RBBP8NL: variants seen among roughly 807,000 people sequenced by gnomAD.
RBBP8NL encodes RBBP8 N-terminal-like protein.
A neutral mutation model predicts 62.2 loss-of-function variants in RBBP8NL; 59 were observed. The ratio of observed to expected loss-of-function variants is 0.95; its 90% CI spans 0.77 to 1.18. The LOEUF is 1.18. Ranked by LOEUF, RBBP8NL falls within the 50% of genes most tolerant of loss-of-function variation. The pLI, the probability that RBBP8NL is intolerant of heterozygous loss-of-function variation, is 0.00. For missense variants in RBBP8NL, 896 were observed against 899.5 expected (o/e 1.00, Z 0.05); for synonymous variants, 412 against 394.1 (o/e 1.05, Z -0.54).
intron 1 of RBBP8NL, among the ~76,000 whole-genome samples, chr20:62,422,502 T>TGGACCCCGAGAGAGGCCTTG (rs1266522175): frequency 1.1e-4 from 9 of 84,690 alleles, no homozygotes; most frequent in African/African-American, 3.8e-4. Flanking sequence ...TGGCAGGCCT[T>TGGACCCCGAGAGAGGCCTTG]GGACCCCGAG....
intron 1 of RBBP8NL, among the ~76,000 whole-genome samples, chr20:62,423,708 C>A (rs1988753939): frequency 6.6e-6 from 1 of 152,180 alleles, no homozygotes; most frequent in Non-Finnish European, 1.5e-5. Context: ...CTCTGCTGTG[C>A]CTCCCACTCA....
rs533102922 is a variant in RBBP8NL at position 62,413,656 on chromosome 20, C to A, written c.1531-111G>T. On this transcript the variant is annotated intron_variant, in intron 10 of 13. Coordinates refer to ENST00000252998, the MANE Select transcript of RBBP8NL (RefSeq NM_080833.3). ...CTTGAGGCTGCAGCTGGTGGAGGGG[C>A]CTGCCTTTCCCTTTATAGTGTGGAT... 97 of 1,394,376 alleles carry A rather than the reference C, an allele frequency of 7.0e-5. No individual in the cohort carries two copies. In the African/African-American group the frequency reaches 1.3e-3, roughly 19 times the overall value. 86.4% of individuals were successfully genotyped at this position (1,394,376 alleles called of 1,614,324 possible).
At chr20:62,416,067 T>TC in intron 6 of RBBP8NL, 97 bp downstream of exon 6, 1 of 1,465,750 alleles carries the variant, frequency 6.8e-7, no homozygotes, top group Non-Finnish European at 9.3e-7. Flanking sequence ...TGCCTGAGAG[T>TC]CCTCCATGGG....
At chr20:62,418,494 T>G (rs1049538645) in intron 2 of RBBP8NL, 29 bp from the exon 3 acceptor site, 2 of 1,540,248 alleles carry the variant, frequency 1.3e-6, no homozygotes, top group Non-Finnish European at 1.8e-6. Context: ...GGGCGGGGGG[T>G]CAGGCCCAGC....
chr20:62,424,967 G>A (rs1294471834), intron 1 of RBBP8NL, among the ~76,000 whole-genome samples: 1 of 152,180 alleles, frequency 6.6e-6, no homozygotes, highest in Admixed American at 6.5e-5. Context: ...TCTGGGCGGA[G>A]GGTAAAGGTG....
rs55946617 is a variant in RBBP8NL at position 62,420,350 on chromosome 20, G to GCACACA, written c.-83-626_-83-621dup. Among the ~76,000 whole-genome samples, 201 of 129,832 alleles carry GCACACA rather than the reference G, an allele frequency of 1.5e-3. 2 individuals carry two copies. The highest frequency in any genetic ancestry group is 6.5e-3 in the East Asian group (31 of 4,772). 85.2% of individuals were successfully genotyped at this position (129,832 alleles called of 152,430 possible). ...TGGCAGCTTCAATCCTGTCCCACAG[G>GCACACA]CACACACACACACACACACACACAC... On this transcript the variant is annotated intron_variant, in intron 1 of 13. Transcript: ENST00000252998.
In RBBP8NL at chr20:62,413,904, G is replaced by A. The variant is rs1415954052; in HGVS notation, c.1447C>T (p.Pro483Ser). The change falls in exon 10 of 14, where the codon CCC becomes TCC. Residue 483 changes from proline to serine, a missense_variant. Coordinates refer to ENST00000252998, the MANE Select transcript of RBBP8NL (RefSeq NM_080833.3). ...ASPEPPTQSG[P>S]LTRSPQALSN... is the part of the protein sequence containing the mutation. ...AGTGCCTGGGGACTGCGAGTCAGGG[G>A]TCCGGACTGGGTGGGTGGCTCGGGG... 6.3e-7 allele frequency: 1 copy of A among 1,594,014 alleles called. No homozygotes were observed. The highest frequency in any genetic ancestry group is 1.3e-5 in the African/African-American group (1 of 74,676).
chr20:62,416,169 G>A lies in RBBP8NL; in HGVS notation c.381C>T (p.Gly127=), dbSNP rs768145095. The change falls in exon 6 of 14, where the codon GGC becomes GGT. Residue 127 remains glycine, a synonymous_variant. Transcript: ENST00000252998. ...TGGGACCCTTTCCCACTCACCCCAG[G>A]CCCCGAAGCCGCTTCACCTCCTCCT... ...TLKEEVKRLR[G]LGDRPKPRAK... 3 of 1,612,012 alleles carry A rather than the reference G, an allele frequency of 1.9e-6. 1 individual carries two copies. The South Asian group carries it at 3.3e-5, about 18-fold the overall frequency.
chr20:62,418,405 C>T lies in RBBP8NL; in HGVS notation c.104+18G>A. On this transcript the variant is annotated intron_variant, in intron 3 of 13. Transcript: ENST00000252998. ...AGTGTGGTCCCTGTGAGGAGGGGCC[C>T]TGCTTGGCCTGACTCACCGGCACCT... 1 of 1,550,246 alleles carries T rather than the reference C, an allele frequency of 6.5e-7. No individual in the cohort carries two copies. The highest frequency in any genetic ancestry group is 8.7e-7 in the Non-Finnish European group (1 of 1,146,794).
rs1353782671 is a variant in RBBP8NL at position 62,414,427 on chromosome 20, CA to C, written c.923del (p.Leu308ArgfsTer15). The C allele has an allele frequency of 6.6e-7, 1 of 1,523,034 alleles. No individual in the cohort carries two copies. The highest frequency in any genetic ancestry group is 8.9e-7 in the Non-Finnish European group (1 of 1,129,228). The allele number at this position is 1,523,034 out of a possible 1,614,324, so 94.3% of individuals were successfully genotyped here. A position where few individuals can be genotyped will look rare whatever the true frequency, so the allele number is the denominator to read the frequency against. ...LHLQSPHSSP[L>X]APAAAPSDPR... Reference sequence around the variant, plus strand: ...GGTCGCTGGGGGCTGCAGCAGGGGCCAGGGGGCTGCTGTGGGGGCTCTGAAG... The same window carrying C: ...GGTCGCTGGGGGCTGCAGCAGGGGCCGGGGGCTGCTGTGGGGGCTCTGAAG... On this transcript the variant is annotated frameshift_variant, in exon 10 of 14. Transcript: ENST00000252998. LOFTEE classifies it high-confidence loss of function.
intron 2 of RBBP8NL, among the ~76,000 whole-genome samples, chr20:62,418,892 T>A (rs1170642658): frequency 6.6e-6 from 1 of 152,176 alleles, no homozygotes; most frequent in Admixed American, 6.5e-5. Context: ...TGGGCCTGGC[T>A]AGCCCCAGCA....
At chr20:62,422,728 C>T (rs577241755) in intron 1 of RBBP8NL, among the ~76,000 whole-genome samples, 37 of 151,388 alleles carry the variant, frequency 2.4e-4, no homozygotes, top group Admixed American at 7.2e-4. Context: ...TAACTCTTGC[C>T]GAGCCCTTGC....
chr20:62,424,198 G>C (rs1988761592), intron 1 of RBBP8NL, among the ~76,000 whole-genome samples: 1 of 152,078 alleles, frequency 6.6e-6, no homozygotes, highest in African/African-American at 2.4e-5. Context: ...GTCCAGGCTG[G>C]AGGGTCTCTG....
chr20:62,417,218 GC>G lies in RBBP8NL; in HGVS notation c.200+5del. ...GCCATGCTGCGAGGTGTCCTCCCAG[GC>G]CCACCTGTTCTCCAGCACCCGCAGG... On this transcript the variant is annotated splice_donor_5th_base_variant and intron_variant, in intron 4 of 13. Coordinates refer to ENST00000252998, the MANE Select transcript of RBBP8NL (RefSeq NM_080833.3). The G allele has an allele frequency of 6.3e-7, 1 of 1,593,340 alleles. No homozygotes were observed. Among genetic ancestry groups the G allele is most frequent in the South Asian group, 1.1e-5 (1 of 87,856 alleles).
At chr20:62,420,373 C>CACACACAT (rs1555892560) in intron 1 of RBBP8NL, among the ~76,000 whole-genome samples, 24 of 150,280 alleles carry the variant, frequency 1.6e-4, no homozygotes, top group African/African-American at 5.7e-4. Flanking sequence ...CACACACACA[C>CACACACAT]ACACACACAC....
At chr20:62,417,614 C>G (rs1220146135) in intron 3 of RBBP8NL, among the ~76,000 whole-genome samples, 1 of 101,612 alleles carries the variant, frequency 9.8e-6, no homozygotes. Context: ...CACGCACCAC[C>G]CCCCCCAGTC....
chr20:62,424,168 C>T (rs1019273925), intron 1 of RBBP8NL, among the ~76,000 whole-genome samples: 22 of 151,898 alleles, frequency 1.4e-4, no homozygotes, highest in Non-Finnish European at 2.9e-4. Context: ...CCTCCCACTC[C>T]CAGACCCTCC....
chr20:62,418,586 G>A lies in RBBP8NL; in HGVS notation c.62-121C>T, dbSNP rs531465630. On this transcript the variant is annotated intron_variant, in intron 2 of 13. Coordinates refer to ENST00000252998, the MANE Select transcript of RBBP8NL (RefSeq NM_080833.3). ...ACTCCTGTCCCCTGCACCCCCTGGG[G>A]GAGCCCTGCCAGGTGAGCCCCTGTC... 3.2e-5 allele frequency: 33 copies of A among 1,028,594 alleles called. No individual in the cohort carries two copies. The African/African-American group carries it at 4.2e-4, about 13-fold the overall frequency. 63.7% of individuals were successfully genotyped at this position (1,028,594 alleles called of 1,614,324 possible).
At position 62,410,963 on chromosome 20, in the gene RBBP8NL, A is replaced by T. The variant is rs2236200; in HGVS notation, c.1910T>A (p.Leu637Gln). The change falls in exon 14 of 14, where the codon CTG becomes CAG. Residue 637 changes from leucine (L) to glutamine (Q), a missense_variant. Physicochemically the swap from Leu to Gln is moderately radical, Grantham distance 113 (BLOSUM62 -2). Coordinates refer to ENST00000252998, the MANE Select transcript of RBBP8NL (RefSeq NM_080833.3). ...GCTCCCGGGCCCCTCAGTGGCTGTC[A>T]GTTTCCTTCTCCCTCTGGATGGCTT... ...SKKPSRGRRK[L>Q]TATEGPGSPR... 3 of 1,613,290 alleles carry T rather than the reference A, an allele frequency of 1.9e-6. No individual in the cohort carries two copies. Among genetic ancestry groups the T allele is most frequent in the South Asian group, 1.1e-5 (1 of 91,062 alleles).
Sources: gnomAD v4.1 joint callset for allele counts (sites outside exome capture counted in the v4.1 genomes callset) on GRCh38, gnomAD v4.1.1 for gene constraint, MANE v1.5 for transcripts, NCBI Gene and HGNC (gene_info 2026-07-23, HGNC 2026-07-21) for gene names.